The following FILIP1L variants were observed in gnomAD, a reference collection of about 807,000 sequenced individuals.
The protein encoded by FILIP1L is filamin A interacting protein 1 like, also known as filamin A-interacting protein 1-like.
A neutral mutation model predicts 96.6 loss-of-function variants in FILIP1L; 55 were observed. That is an observed-to-expected ratio of 0.57 (90% CI 0.46 to 0.71). The LOEUF is 0.71. Among genes scored for constraint, FILIP1L ranks in the 30% least tolerant of loss-of-function variants. FILIP1L has a pLI of 0.00. For synonymous variants in FILIP1L, 467 were observed against 473.9 expected (o/e 0.99, Z 0.19); for missense variants, 1,304 against 1,321.2 (o/e 0.99, Z 0.20).
chr3:100,027,498 C>G (rs1250140541), intron 1 of FILIP1L, among the ~76,000 whole-genome samples: 1 of 152,144 alleles, frequency 6.6e-6, no homozygotes, highest in Admixed American at 6.6e-5. Context: ...TGGGAACAGA[C>G]TTTATGAATG....
At chr3:99,941,038 G>A (rs1420995595) in intron 1 of FILIP1L, among the ~76,000 whole-genome samples, 1 of 152,182 alleles carries the variant, frequency 6.6e-6, no homozygotes, top group Admixed American at 6.5e-5. Flanking sequence ...CCTATAACTG[G>A]CAGAAAGTTT....
chr3:99,834,348 G>A (rs1020999393), intron 5 of FILIP1L, among the ~76,000 whole-genome samples: 2 of 152,194 alleles, frequency 1.3e-5, no homozygotes, highest in African/African-American at 4.8e-5. Context: ...CTGATGCAAA[G>A]GTTAGAGTAA....
rs1353058180 is a variant in FILIP1L, at chr3:99,848,502, C to A, written c.3174G>T (p.Glu1058Asp). The A allele has an allele frequency of 2.5e-6, 4 of 1,614,060 alleles. No individual in the cohort carries two copies. Among genetic ancestry groups the A allele is most frequent in the African/African-American group, 1.3e-5 (1 of 74,926 alleles). ...CTAAGTGAATGTGGATTTTATTATC[C>A]TCAGTAGTTATCACACTTGAGCTAT... is the stretch of plus-strand genomic sequence containing the variant. ...NSNSSSVITT[E>D]DNKIHIHLGS... Residue 1058 changes from glutamate (E) to aspartate (D), a missense_variant, in exon 5 of 6, where the codon GAG becomes GAT. Glu to Asp is a conservative substitution (Grantham distance 45). Transcript: ENST00000477258.
At chr3:100,103,583 A>G (rs2066344696) in intron 1 of FILIP1L, among the ~76,000 whole-genome samples, 1 of 152,204 alleles carries the variant, frequency 6.6e-6, no homozygotes, top group Admixed American at 6.5e-5. Flanking sequence ...ACCATTCTTC[A>G]TGTTGAGCAA....
At chr3:99,877,610 T>C (rs767763230) in intron 4 of FILIP1L, among the ~76,000 whole-genome samples, 14 of 152,220 alleles carry the variant, frequency 9.2e-5, no homozygotes, top group Non-Finnish European at 2.1e-4. Context: ...TAATATTTGA[T>C]TTGCAATTGT....
At chr3:99,866,699 G>A (rs1313480951) in intron 4 of FILIP1L, among the ~76,000 whole-genome samples, 1 of 152,176 alleles carries the variant, frequency 6.6e-6, no homozygotes, top group African/African-American at 2.4e-5. Flanking sequence ...ATGAGCCACA[G>A]TGAGCATCCT....
chr3:99,878,404 T>C (rs2107598552), intron 4 of FILIP1L, among the ~76,000 whole-genome samples: 1 of 152,354 alleles, frequency 6.6e-6, no homozygotes, highest in Non-Finnish European at 1.5e-5. Flanking sequence ...GTCACACCGC[T>C]ACTAAAGTAA....
Position 99,924,527 on chromosome 3 carries a change from T to A in FILIP1L, c.427-119A>T, listed in dbSNP as rs1288523750. The A allele has an allele frequency of 2.8e-6, 3 of 1,064,142 alleles. No individual in the cohort carries two copies. In the African/African-American group the frequency reaches 4.8e-5, roughly 17 times the overall value. 65.9% of individuals were successfully genotyped at this position (1,064,142 alleles called of 1,614,324 possible). A position where few individuals can be genotyped will look rare whatever the true frequency, so the allele number is the denominator to read the frequency against. On this transcript the variant is annotated intron_variant, in intron 3 of 5. Coordinates refer to ENST00000477258, the MANE Select transcript of FILIP1L (RefSeq NM_001387850.1). The stretch of plus-strand genomic sequence containing the variant: ...CAGTGGGTTTTTTTGGTTTTTTGTT[T>A]GTTTGTTTTGAAACAGTTTTCGCTG...
At chr3:99,990,935 G>A (rs1709492159) in intron 1 of FILIP1L, among the ~76,000 whole-genome samples, 1 of 152,106 alleles carries the variant, frequency 6.6e-6, no homozygotes, top group African/African-American at 2.4e-5. Flanking sequence ...CTTCCCTCAA[G>A]TAGCTTAAAC....
intron 1 of FILIP1L, among the ~76,000 whole-genome samples, chr3:99,973,786 C>G (rs1708891004): frequency 6.6e-6 from 1 of 152,206 alleles, no homozygotes; most frequent in Admixed American, 6.5e-5. Flanking sequence ...GATTGGGATG[C>G]AGGTATCATG....
At chr3:99,851,308 A>T (rs1406642433) in intron 4 of FILIP1L, among the ~76,000 whole-genome samples, 3 of 152,174 alleles carry the variant, frequency 2.0e-5, no homozygotes, top group African/African-American at 7.2e-5. Flanking sequence ...AGCCTTAGTA[A>T]AAGAGTAAGG....
At chr3:99,860,539 A>G (rs1199623141) in intron 4 of FILIP1L, among the ~76,000 whole-genome samples, 2 of 152,196 alleles carry the variant, frequency 1.3e-5, no homozygotes, top group Non-Finnish European at 2.9e-5. Context: ...CAGAACAAGT[A>G]AAAGGCCAGT....
chr3:99,980,647 A>C (rs1709094073), intron 1 of FILIP1L, among the ~76,000 whole-genome samples: 3 of 152,202 alleles, frequency 2.0e-5, no homozygotes, highest in Non-Finnish European at 4.4e-5. Context: ...TTGAGGGCTT[A>C]TGGTAGTATC....
chr3:99,939,307 T>C (rs1280292467), intron 1 of FILIP1L, among the ~76,000 whole-genome samples: 2 of 152,216 alleles, frequency 1.3e-5, no homozygotes, highest in Non-Finnish European at 2.9e-5. Context: ...TCCCAGGAAC[T>C]TTAGTTCGTG....
intron 1 of FILIP1L, among the ~76,000 whole-genome samples, chr3:100,066,499 A>G (rs1229150669): frequency 7.5e-6 from 1 of 133,898 alleles, no homozygotes; most frequent in East Asian, 2.6e-4. Flanking sequence ...AGCAAGGATG[A>G]TGTGGAAGGC....
intron 1 of FILIP1L, among the ~76,000 whole-genome samples, chr3:100,112,266 T>C (rs1477923352): frequency 6.6e-6 from 1 of 152,092 alleles, no homozygotes; most frequent in Non-Finnish European, 1.5e-5. Flanking sequence ...GTAATGAAAA[T>C]TTTGCTTTAG....
intron 1 of FILIP1L, among the ~76,000 whole-genome samples, chr3:99,973,180 T>C (rs1285611162): frequency 6.6e-6 from 1 of 152,200 alleles, no homozygotes; most frequent in Non-Finnish European, 1.5e-5. Context: ...CAGTGAATTC[T>C]CTGAAAAACT....
At chr3:100,111,844 T>G (rs1270477330) in intron 1 of FILIP1L, among the ~76,000 whole-genome samples, 2 of 152,254 alleles carry the variant, frequency 1.3e-5, no homozygotes, top group African/African-American at 4.8e-5. Flanking sequence ...AAATGTGTTT[T>G]CTAATTCAAT....
intron 1 of FILIP1L, among the ~76,000 whole-genome samples, chr3:100,113,072 T>TA (rs2066517218): frequency 1.3e-5 from 2 of 152,232 alleles, no homozygotes; most frequent in South Asian, 4.1e-4. Flanking sequence ...GTAGTGTAGT[T>TA]AAACAGTGTA....
Sources: gnomAD v4.1 joint callset for allele counts (sites outside exome capture counted in the v4.1 genomes callset) on GRCh38, gnomAD v4.1.1 for gene constraint, MANE v1.5 for transcripts, NCBI Gene and HGNC (gene_info 2026-07-23, HGNC 2026-07-21) for gene names.